Variants in GRIK2 observed in about 807,000 individuals in gnomAD.
The protein encoded by GRIK2 is glutamate ionotropic receptor kainate type subunit 2, also known as glutamate receptor ionotropic, kainate 2.
GRIK2 carries 32 observed loss-of-function variants against 100.3 expected under a neutral mutation model. The ratio of observed to expected loss-of-function variants is 0.32; its 90% CI spans 0.24 to 0.43. The LOEUF is 0.43. GRIK2 is among the 20% of genes least tolerant of loss of function. GRIK2 has a pLI of 1.00. For missense variants in GRIK2, 843 were observed against 1,114.9 expected (o/e 0.76, Z 3.47); for synonymous variants, 417 against 389.4 (o/e 1.07, Z -0.83).
intron 2 of GRIK2, among the ~76,000 whole-genome samples, chr6:101,482,108 T>G (rs1772562619): frequency 6.6e-6 from 1 of 152,188 alleles, no homozygotes; most frequent in African/African-American, 2.4e-5. Flanking sequence ...GAAAATGGAC[T>G]AATACAGTGA....
intron 2 of GRIK2, among the ~76,000 whole-genome samples, chr6:101,531,363 C>T (rs543314529): frequency 6.6e-5 from 10 of 151,874 alleles, no homozygotes; most frequent in Middle Eastern, 3.4e-3. Flanking sequence ...ATATATATGG[C>T]TATGTATATA....
chr6:101,817,532 T>G (rs1452039146), intron 9 of GRIK2, among the ~76,000 whole-genome samples: 1 of 152,206 alleles, frequency 6.6e-6, no homozygotes, highest in African/African-American at 2.4e-5. Flanking sequence ...TGCTCTTCCT[T>G]GCTGCTGATC....
rs115209940 is a variant in GRIK2, at chr6:101,736,083, A to G, written c.951+49730A>G. ...CTCCAAAATGATCTTTTTTTACTCC[A>G]TGTCTCACATCCAGGTCATGTTGAT... On this transcript the variant is annotated intron_variant, in intron 7 of 16. Coordinates refer to ENST00000369134, the MANE Select transcript of GRIK2 (RefSeq NM_021956.5). Among the ~76,000 whole-genome samples the G allele has an allele frequency of 3.4e-3, 518 of 152,262 alleles. 3 individuals carry two copies. The highest frequency in any genetic ancestry group is 0.012 in the African/African-American group (494 of 41,546).
chr6:101,556,333 T>A (rs1776743430), intron 2 of GRIK2, among the ~76,000 whole-genome samples: 1 of 68,888 alleles, frequency 1.5e-5, no homozygotes, highest in East Asian at 4.5e-4. Flanking sequence ...TTTTTTTTTT[T>A]TTTTTTTTTT....
intron 2 of GRIK2, among the ~76,000 whole-genome samples, chr6:101,440,287 C>T (rs1253488215): frequency 6.6e-6 from 1 of 152,086 alleles, no homozygotes; most frequent in Non-Finnish European, 1.5e-5. Context: ...TCTTATTTGA[C>T]AAGGTTCAAT....
chr6:101,891,890 T>G (rs1469854973), intron 12 of GRIK2, among the ~76,000 whole-genome samples: 1 of 152,152 alleles, frequency 6.6e-6, no homozygotes, highest in Non-Finnish European at 1.5e-5. Context: ...CTGCATCTTT[T>G]TTATAGTGAC....
At chr6:101,647,296 G>A (rs565927995) in intron 4 of GRIK2, among the ~76,000 whole-genome samples, 11 of 151,380 alleles carry the variant, frequency 7.3e-5, no homozygotes, top group African/African-American at 2.7e-4. Context: ...TAAACAAGAG[G>A]CTAGGGTCCA....
rs1779791810 is a variant in GRIK2 at position 101,613,984 on chromosome 6, A to C, written c.116-7965A>C. On this transcript the variant is annotated intron_variant, in intron 2 of 16. Transcript: ENST00000369134. ...CAGGGGATGGATTAATATATGGGAG[A>C]ACTTTGTGCTGGAGCTCTCCAGAGA... Among the ~76,000 whole-genome samples the C allele has an allele frequency of 7.3e-5, 11 of 151,670 alleles. 1 individual carries two copies. Among genetic ancestry groups the C allele is most frequent in the Admixed American group, 6.6e-4 (10 of 15,138 alleles).
chr6:101,771,182 T>G (rs1778378550), intron 7 of GRIK2, among the ~76,000 whole-genome samples: 1 of 152,164 alleles, frequency 6.6e-6, no homozygotes, highest in Non-Finnish European at 1.5e-5. Flanking sequence ...TCTAAAATTT[T>G]ATAAAATTAG....
intron 7 of GRIK2, among the ~76,000 whole-genome samples, chr6:101,686,787 G>A (rs1771731962): frequency 6.6e-6 from 1 of 152,082 alleles, no homozygotes; most frequent in Admixed American, 6.6e-5. Context: ...ATTCTCGCAT[G>A]AGCTTACTCA....
Position 102,069,396 on chromosome 6 carries a change from T to A in GRIK2, c.*885T>A, listed in dbSNP as rs1382896561. ...GGATAATGTTTTGCAATGTTCAAGT[T>A]GTAAAAACTGGCCGAGTATTGGCTG... On this transcript the variant is annotated 3_prime_UTR_variant, in exon 17 of 17. Coordinates refer to ENST00000369134, the MANE Select transcript of GRIK2 (RefSeq NM_021956.5). The A allele has an allele frequency of 6.6e-6, 1 of 151,336 alleles. No individual in the cohort carries two copies. The highest frequency in any genetic ancestry group is 2.4e-5 in the African/African-American group (1 of 41,320). 9.4% of individuals were successfully genotyped at this position (151,336 alleles called of 1,614,324 possible).
intron 2 of GRIK2, among the ~76,000 whole-genome samples, chr6:101,493,646 A>G (rs1439719687): frequency 2.6e-5 from 4 of 151,956 alleles, no homozygotes; most frequent in African/African-American, 7.2e-5. Context: ...CCTTCAAACA[A>G]GGTCAGGAAT....
At chr6:101,814,089 A>G (rs1045263043) in intron 9 of GRIK2, among the ~76,000 whole-genome samples, 1 of 152,178 alleles carries the variant, frequency 6.6e-6, no homozygotes, top group African/African-American at 2.4e-5. Flanking sequence ...GTTTTTCAGC[A>G]TGATAGTAAT....
chr6:101,907,350 A>C (rs1028077838), intron 12 of GRIK2, among the ~76,000 whole-genome samples: 6 of 148,794 alleles, frequency 4.0e-5, no homozygotes, highest in Non-Finnish European at 7.5e-5. Flanking sequence ...ACAGCATTTC[A>C]AATAAACCTA....
At chr6:101,845,894 C>T (rs1312723801) in intron 10 of GRIK2, among the ~76,000 whole-genome samples, 2 of 152,106 alleles carry the variant, frequency 1.3e-5, no homozygotes, top group East Asian at 1.9e-4. Flanking sequence ...TTTAGATTTG[C>T]ATTTCCCTAA....
chr6:102,042,622 G>T (rs990248959), intron 15 of GRIK2, among the ~76,000 whole-genome samples: 2 of 151,398 alleles, frequency 1.3e-5, no homozygotes, highest in South Asian at 2.1e-4. Flanking sequence ...GATTAATCAG[G>T]ATAATGATTT....
chr6:101,782,070 C>T (rs1220367469), intron 7 of GRIK2, among the ~76,000 whole-genome samples: 3 of 152,034 alleles, frequency 2.0e-5, no homozygotes, highest in Admixed American at 6.6e-5. Flanking sequence ...TACATGTGAT[C>T]ATTTGTTACA....
intron 4 of GRIK2, among the ~76,000 whole-genome samples, chr6:101,633,311 C>T (rs1181419517): frequency 6.6e-6 from 1 of 152,112 alleles, no homozygotes; most frequent in African/African-American, 2.4e-5. Flanking sequence ...GGCCATCTGT[C>T]AGCCTAGACT....
intron 12 of GRIK2, chr6:101,891,532 A>AC (rs2128458102): frequency 2.5e-6 from 1 of 393,972 alleles, no homozygotes; most frequent in South Asian, 1.9e-5. Context: ...AAAAAAAAAA[A>AC]AAAAAGGTGG....
Sources: allele counts gnomAD v4.1 joint callset (sites outside exome capture counted in the v4.1 genomes callset), GRCh38; gene constraint gnomAD v4.1.1; transcripts MANE v1.5; gene names NCBI Gene and HGNC (gene_info 2026-07-23, HGNC 2026-07-21).